ZNF687: variants seen among roughly 807,000 people sequenced by gnomAD.
ZNF687 encodes zinc finger protein 687.
A neutral mutation model predicts 71.8 loss-of-function variants in ZNF687; 13 were observed. That is an observed-to-expected ratio of 0.18 (90% confidence interval 0.12 to 0.29). The LOEUF (loss-of-function observed/expected upper bound fraction) is 0.29. ZNF687 is among the 10% of genes least tolerant of loss of function. The pLI is 1.00. For missense variants in ZNF687, 1,412 were observed against 1,625.6 expected (o/e 0.87, Z 2.26); for synonymous variants, 673 against 641.6 (o/e 1.05, Z -0.74).
At position 151,291,005 on chromosome 1, in the gene ZNF687, G is replaced by A. The variant is rs1229575238; in HGVS notation, c.3510G>A (p.Leu1170=). ...GGGGTGTGGGTAAAGCCAGTGCCCT[G>A]GGGCTGGGGGATGGGGAGGAAGAGG... ...KRRGVGKASA[L]GLGDGEEEAP... The change falls in exon 9 of 9, where the codon CTG becomes CTA. Residue 1170 remains leucine (L), a synonymous_variant. Coordinates refer to ENST00000336715, the MANE Select transcript of ZNF687 (RefSeq NM_020832.3). 2 of 1,613,896 alleles carry A rather than the reference G, an allele frequency of 1.2e-6. No individual in the cohort carries two copies. Among genetic ancestry groups the A allele is most frequent in the Non-Finnish European group, 1.7e-6 (2 of 1,180,032 alleles).
chr1:151,283,951 T>C (rs762905647), intron 1 of ZNF687: 123 of 985,320 alleles, frequency 1.2e-4, no homozygotes, highest in Non-Finnish European at 1.4e-4. Context: ...CTTTAGTTGC[T>C]TCTTCGTAGA....
At position 151,289,458 on chromosome 1, in the gene ZNF687, T is replaced by G; in HGVS notation, c.2552T>G (p.Leu851Arg). 6.2e-7 allele frequency: 1 copy of G among 1,614,162 alleles called. No homozygotes were observed. Among genetic ancestry groups the G allele is most frequent in the Non-Finnish European group, 8.5e-7 (1 of 1,180,050 alleles). The change falls in exon 5 of 9, where the codon CTG becomes CGG. Residue 851 changes from leucine to arginine, a missense_variant. Leu to Arg is a moderately radical substitution (Grantham distance 102, BLOSUM62 -2). Coordinates refer to ENST00000336715, the MANE Select transcript of ZNF687 (RefSeq NM_020832.3). ...LLSSHFDQHL[L>R]PQRVSVFKCP... Reference sequence around the variant, plus strand: ...TCCTCACACTTCGACCAGCACTTGCTGCCCCAGCGTGTCAGTGTCTTTAAG... The same window carrying G: ...TCCTCACACTTCGACCAGCACTTGCGGCCCCAGCGTGTCAGTGTCTTTAAG...
chr1:151,286,534 A>C lies in ZNF687; in HGVS notation c.243A>C (p.Val81=). The C allele has an allele frequency of 6.2e-7, 1 of 1,614,200 alleles. No individual in the cohort carries two copies. Among genetic ancestry groups the C allele is most frequent in the African/African-American group, 1.3e-5 (1 of 75,066 alleles). ...GCCTGCCACCGCCAGACATTTCTGT[A>C]GTCAGTGTCATTGTCAAGAACACTG... The part of the protein sequence containing the change: ...DHGLPPPDIS[V]VSVIVKNTVC... The change falls in exon 2 of 9, where the codon GTA becomes GTC. Residue 81 remains valine (V), a synonymous_variant. Coordinates refer to ENST00000336715, the MANE Select transcript of ZNF687 (RefSeq NM_020832.3).
rs146309011 is a variant in ZNF687, at chr1:151,287,423, C to T, written c.1132C>T (p.Pro378Ser). 141 of 1,614,186 alleles carry T rather than the reference C, an allele frequency of 8.7e-5. 1 individual carries two copies. The African/African-American group carries it at 1.7e-3, about 19-fold the overall frequency. ...ASLLKLSPAT[P>S]TSEGPKVVSV... ...CCTCTTGAAGCTGTCCCCTGCAACA[C>T]CTACTTCTGAGGGTCCAAAGGTGGT... The change falls in exon 2 of 9, where the codon CCT becomes TCT. Residue 378 changes from proline to serine, a missense_variant. Pro to Ser is a moderately conservative substitution (Grantham distance 74, BLOSUM62 -1). Coordinates refer to ENST00000336715, the MANE Select transcript of ZNF687 (RefSeq NM_020832.3). This position sits in a 1 kb window ranked among gnomAD's most constrained non-coding sequence, Gnocchi z 5.0.
Position 151,289,809 on chromosome 1 carries a change from GTCT to G in ZNF687, c.2769_2771del (p.Ser926del). The G allele has an allele frequency of 6.4e-7, 1 of 1,567,186 alleles. No individual in the cohort carries two copies. Among genetic ancestry groups the G allele is most frequent in the Non-Finnish European group, 8.7e-7 (1 of 1,155,484 alleles). On this transcript the variant is annotated inframe_deletion, in exon 6 of 9. Transcript: ENST00000336715. ...GGGCAGCCCCTGCTACTGAGGAGTC[GTCT>G]TCATCTTCAGAAGAGGAGGAAGTAC...
chr1:151,291,121 G>T lies in ZNF687; in HGVS notation c.3626G>T (p.Cys1209Phe), dbSNP rs767609126. The T allele has an allele frequency of 2.5e-6, 4 of 1,613,284 alleles. No homozygotes were observed. The highest frequency in any genetic ancestry group is 1.3e-5 in the African/African-American group (1 of 74,922). Residue 1209 changes from cysteine (C) to phenylalanine (F), a missense_variant, in exon 9 of 9, where the codon TGC becomes TTC. Cys to Phe is a radical substitution (Grantham distance 205). This residue lies in a region of ZNF687 where 284 missense variants were observed against 359.2 expected (regional missense o/e 0.79). Transcript: ENST00000336715. ...PLTCKVCGKS[C>F]DSPLNLKTHF... The stretch of plus-strand genomic sequence containing the variant: ...ACCTGTAAGGTCTGTGGCAAGAGCT[G>T]CGACAGCCCTCTAAACCTCAAGACC...
chr1:151,287,043 G>A lies in ZNF687; in HGVS notation c.752G>A (p.Ser251Asn), dbSNP rs756296214. Residue 251 changes from serine to asparagine, a missense_variant, in exon 2 of 9, where the codon AGT (serine) becomes AAT (asparagine). Physicochemically the swap from Ser to Asn is conservative, Grantham distance 46 (BLOSUM62 1). Transcript: ENST00000336715. This position sits in a 1 kb window ranked among gnomAD's most constrained non-coding sequence, Gnocchi z 5.0. The part of the protein sequence containing the change: ...SSPKATDIPA[S>N]ASPPPVAGVP... ...CCTAAGGCCACGGACATCCCTGCCA[G>A]TGCCTCGCCTCCCCCAGTTGCTGGG... is the stretch of plus-strand genomic sequence containing the variant. 1.7e-5 allele frequency: 28 copies of A among 1,608,798 alleles called. No homozygotes were observed. In the East Asian group the frequency reaches 5.8e-4, roughly 33 times the overall value.
Position 151,291,241 on chromosome 1 carries a change from C to G in ZNF687, c.*32C>G, listed in dbSNP as rs758085850. On this transcript the variant is annotated 3_prime_UTR_variant, in exon 9 of 9. Coordinates refer to ENST00000336715, the MANE Select transcript of ZNF687 (RefSeq NM_020832.3). ...AGGCCTGGGACTGACCAGCCCCTTC[C>G]TCTTGGAGCCTGGTTTTCCCTACTG... The G allele has an allele frequency of 6.4e-7, 1 of 1,557,132 alleles. No individual in the cohort carries two copies. The highest frequency in any genetic ancestry group is 8.7e-7 in the Non-Finnish European group (1 of 1,150,492).
At position 151,286,308 on chromosome 1, in the gene ZNF687, C is replaced by G; in HGVS notation, c.17C>G (p.Thr6Ser). MGDMKTPDFDDLLAAF... is the reference protein window; with the variant it reads MGDMKSPDFDDLLAAF... ...TCTGCCGATATGGGGGATATGAAGA[C>G]CCCTGATTTTGATGACCTCCTTGCT... The change falls in exon 2 of 9, where the codon ACC becomes AGC. Residue 6 changes from threonine (T) to serine (S), a missense_variant. Around this residue, in one of 8 missense-constraint regions of ZNF687, gnomAD observed 490 missense variants for 489.9 expected, o/e 1.00. Coordinates refer to ENST00000336715, the MANE Select transcript of ZNF687 (RefSeq NM_020832.3). The G allele has an allele frequency of 1.3e-6, 2 of 1,569,044 alleles. No individual in the cohort carries two copies. Among genetic ancestry groups the G allele is most frequent in the Non-Finnish European group, 1.7e-6 (2 of 1,161,650 alleles).
chr1:151,289,086 C>T lies in ZNF687; in HGVS notation c.2295-9C>T. 1 of 1,612,834 alleles carries T rather than the reference C, an allele frequency of 6.2e-7. No homozygotes were observed. Among genetic ancestry groups the T allele is most frequent in the Non-Finnish European group, 8.5e-7 (1 of 1,179,212 alleles). On this transcript the variant is annotated splice_polypyrimidine_tract_variant and intron_variant, in intron 3 of 8. Coordinates refer to ENST00000336715, the MANE Select transcript of ZNF687 (RefSeq NM_020832.3). Reference sequence around the variant, plus strand: ...CACCTCACCACAGGGCCTCCTGCTTCCTCCCTAGGTGCCCCAGCTGTTCAG... The same window carrying T: ...CACCTCACCACAGGGCCTCCTGCTTTCTCCCTAGGTGCCCCAGCTGTTCAG...
upstream of ZNF687, chr1:151,281,881 A>G (rs1159009286): frequency 1.9e-6 from 1 of 530,492 alleles, no homozygotes; most frequent in Admixed American, 3.8e-5. Context: ...GGTTCCTTAC[A>G]TTCGCGAAAG....
rs1557773639 is a variant in ZNF687 at position 151,289,854 on chromosome 1, C to T, written c.2811C>T (p.Pro937=). The part of the protein sequence containing the change: ...EEEEVPSSPE[P]PRPAKRPRRE... Reference sequence around the variant, plus strand: ...AGGAAGTACCCAGCTCCCCTGAGCCCCCCCGTCCAGCCAAACGGCCTCGGC... The same window carrying T: ...AGGAAGTACCCAGCTCCCCTGAGCCTCCCCGTCCAGCCAAACGGCCTCGGC... The change falls in exon 6 of 9, where the codon CCC becomes CCT. Residue 937 remains proline (P), a synonymous_variant. Transcript: ENST00000336715. The T allele has an allele frequency of 6.4e-7, 1 of 1,567,884 alleles. No individual in the cohort carries two copies. Among genetic ancestry groups the T allele is most frequent in the Admixed American group, 1.9e-5 (1 of 53,042 alleles).
Position 151,286,766 on chromosome 1 carries a change from C to T in ZNF687, c.475C>T (p.Pro159Ser). ...AGAAAAAGGCATGGAAGGCAAAACT[C>T]CCTTGGACCTGTTTGCTCATTTTGG... ...WKEKGMEGKT[P>S]LDLFAHFGPE... Residue 159 changes from proline (P) to serine (S), a missense_variant, in exon 2 of 9, where the codon CCC (proline) becomes TCC (serine). Pro to Ser is a moderately conservative substitution (Grantham distance 74). This residue lies in a region of ZNF687 where 490 missense variants were observed against 489.9 expected (regional missense o/e 1.00). Coordinates refer to ENST00000336715, the MANE Select transcript of ZNF687 (RefSeq NM_020832.3). The T allele has an allele frequency of 6.2e-7, 1 of 1,614,212 alleles. No homozygotes were observed. The highest frequency in any genetic ancestry group is 1.3e-5 in the African/African-American group (1 of 75,062).
rs1693995630 is a variant in ZNF687, at chr1:151,287,313, A to C, written c.1022A>C (p.Asn341Thr). The change falls in exon 2 of 9, where the codon AAT becomes ACT. Residue 341 changes from asparagine (N) to threonine (T), a missense_variant. By Grantham distance (65) the Asn-to-Thr change is moderately conservative (BLOSUM62 0). This residue lies in a region of ZNF687 where 490 missense variants were observed against 489.9 expected (regional missense o/e 1.00). Transcript: ENST00000336715. The surrounding 1 kb of genome is among the most constrained non-coding windows in gnomAD (Gnocchi z 5.0). ...RIKTIKTSCG[N>T]ITRTVTQVPS... ...AAGACCATTAAAACATCCTGCGGGA[A>C]TATCACAAGGACTGTAACTCAGGTC... is the stretch of plus-strand genomic sequence containing the variant. The C allele has an allele frequency of 6.2e-7, 1 of 1,614,200 alleles. No individual in the cohort carries two copies. Among genetic ancestry groups the C allele is most frequent in the Non-Finnish European group, 8.5e-7 (1 of 1,180,022 alleles).
upstream of ZNF687, chr1:151,281,944 GC>G: frequency 9.1e-7 from 1 of 1,093,924 alleles, no homozygotes. Flanking sequence ...GGGCGGAGAC[GC>G]ACCTGGGTGC....
Position 151,290,734 on chromosome 1 carries a change from G to A in ZNF687, c.3239G>A (p.Arg1080His), listed in dbSNP as rs746793857. ...CTTCAGGGGCCAGGTCGGAAACGCC[G>A]CCAGTCTTCTGACTCTTGCAGTGAG... ...ARAQGPGRKR[R>H]QSSDSCSEEP... is the part of the protein sequence containing the mutation. The change falls in exon 9 of 9, where the codon CGC (arginine) becomes CAC (histidine). Residue 1080 changes from arginine to histidine, a missense_variant. By Grantham distance (29) the Arg-to-His change is conservative. This residue lies in a region of ZNF687 where 284 missense variants were observed against 359.2 expected (regional missense o/e 0.79). Transcript: ENST00000336715. 38 of 1,605,602 alleles carry A rather than the reference G, an allele frequency of 2.4e-5. No homozygotes were observed. The highest frequency in any genetic ancestry group is 1.7e-4 in the Middle Eastern group (1 of 6,042).
rs1167178396 is a variant in ZNF687 at position 151,288,003 on chromosome 1, T to C, written c.1712T>C (p.Val571Ala). ...TGCAACCACTGCGCCCGCCGCCTGG[T>C]CTTCTTCAACAAGTGCAGCCTGCTC... ...VTCNHCARRL[V>A]FFNKCSLLLH... The change falls in exon 2 of 9, where the codon GTC becomes GCC. Residue 571 changes from valine to alanine, a missense_variant. Coordinates refer to ENST00000336715, the MANE Select transcript of ZNF687 (RefSeq NM_020832.3). The C allele has an allele frequency of 6.2e-7, 1 of 1,614,020 alleles. No homozygotes were observed. The highest frequency in any genetic ancestry group is 8.5e-7 in the Non-Finnish European group (1 of 1,180,030).
rs1694276130 is a variant in ZNF687, at chr1:151,291,804, T to G, written c.*595T>G. 1.3e-5 allele frequency: 2 copies of G among 152,510 alleles called. No individual in the cohort carries two copies. Among genetic ancestry groups the G allele is most frequent in the South Asian group, 4.1e-4 (2 of 4,828 alleles). 9.4% of individuals were successfully genotyped at this position (152,510 alleles called of 1,614,324 possible). A position where few individuals can be genotyped will look rare whatever the true frequency, so the allele number is the denominator to read the frequency against. ...GGCCACAGGAGAGGAGGGGACAGGC[T>G]CTCAGGAATCCTTTATTCTTGTAGT... On this transcript the variant is annotated 3_prime_UTR_variant, in exon 9 of 9. Transcript: ENST00000336715.
rs1693995169 is a variant in ZNF687 at position 151,287,306 on chromosome 1, T to G, written c.1015T>G (p.Cys339Gly). 4 of 1,614,066 alleles carry G rather than the reference T, an allele frequency of 2.5e-6. No individual in the cohort carries two copies. Among genetic ancestry groups the G allele is most frequent in the Non-Finnish European group, 3.4e-6 (4 of 1,180,034 alleles). Reference sequence around the variant, plus strand: ...GCGGATCAAGACCATTAAAACATCCTGCGGGAATATCACAAGGACTGTAAC... The same window carrying G: ...GCGGATCAAGACCATTAAAACATCCGGCGGGAATATCACAAGGACTGTAAC... ...KVRIKTIKTS[C>G]GNITRTVTQV... Residue 339 changes from cysteine (C) to glycine (G), a missense_variant, in exon 2 of 9, where the codon TGC becomes GGC. Cys to Gly is a radical substitution (Grantham distance 159). Transcript: ENST00000336715. This position sits in a 1 kb window ranked among gnomAD's most constrained non-coding sequence, Gnocchi z 5.0.
Sources: gnomAD v4.1 joint callset for allele counts on GRCh38, gnomAD v4.1.1 for gene constraint, gnomAD v4.1.1 regional missense constraint, Gnocchi (gnomAD v3.1) non-coding constraint, MANE v1.5 for transcripts, NCBI Gene and HGNC (gene_info 2026-07-23, HGNC 2026-07-21) for gene names.